SCAMP1: variants seen among roughly 807,000 people sequenced by gnomAD.
The protein encoded by SCAMP1 is secretory carrier membrane protein 1.
In SCAMP1, 15 loss-of-function variants were observed where a neutral mutation model predicts 41.8. That is an observed-to-expected ratio of 0.36 (90% CI 0.24 to 0.55). The LOEUF is 0.55. Among genes scored for constraint, SCAMP1 ranks in the 20% least tolerant of loss-of-function variants. SCAMP1 has a pLI of 0.86. For synonymous variants in SCAMP1, 135 were observed against 136.8 expected, an observed-to-expected ratio of 0.99 and a Z score of 0.09; for missense variants, 341 against 412.6, an observed-to-expected ratio of 0.83 and a Z score of 1.50.
intron 2 of SCAMP1, among the ~76,000 whole-genome samples, chr5:78,409,702 A>G (rs1345053547): frequency 1.3e-5 from 2 of 152,222 alleles, no homozygotes; most frequent in Admixed American, 6.5e-5. Context: ...AACATTTCTC[A>G]TCATTGCTAT....
chr5:78,367,493 C>T (rs1423484520), intron 1 of SCAMP1, among the ~76,000 whole-genome samples: 1 of 152,176 alleles, frequency 6.6e-6, no homozygotes, highest in Non-Finnish European at 1.5e-5. Flanking sequence ...CATGTAGCCT[C>T]TCTACTAGTA....
chr5:78,416,501 C>G (rs768794768), intron 3 of SCAMP1, 40 bp from the exon 4 acceptor site: 1 of 1,433,966 alleles, frequency 7.0e-7, no homozygotes, highest in Non-Finnish European at 9.5e-7. Context: ...GTATTTTATA[C>G]TTCTGACAGT....
At chr5:78,470,393 TATTTC>T (rs1488289868) in intron 8 of SCAMP1, among the ~76,000 whole-genome samples, 2 of 152,218 alleles carry the variant, frequency 1.3e-5, no homozygotes, top group African/African-American at 4.8e-5. Flanking sequence ...CTATTTTAGA[TATTTC>T]ATATAAATGG....
At chr5:78,379,371 C>T (rs1177927031) in intron 1 of SCAMP1, among the ~76,000 whole-genome samples, 1 of 152,210 alleles carries the variant, frequency 6.6e-6, no homozygotes, top group Non-Finnish European at 1.5e-5. Flanking sequence ...ACTATGGCTT[C>T]CTCAACACTA....
intron 6 of SCAMP1, among the ~76,000 whole-genome samples, chr5:78,436,682 C>T (rs904370558): frequency 6.6e-6 from 1 of 152,112 alleles, no homozygotes; most frequent in Non-Finnish European, 1.5e-5. Flanking sequence ...GTTCTTTTTG[C>T]TTAGGATTGT....
chr5:78,424,741 CA>C (rs959974339), intron 6 of SCAMP1, among the ~76,000 whole-genome samples: 2 of 151,950 alleles, frequency 1.3e-5, no homozygotes, highest in Admixed American at 6.6e-5. Context: ...AGAAAAACAA[CA>C]AAAAAACCCC....
chr5:78,459,132 A>T, intron 7 of SCAMP1, 113 bp from the exon 8 acceptor site: 2 of 676,100 alleles, frequency 3.0e-6, no homozygotes, highest in Non-Finnish European at 2.7e-6. Flanking sequence ...TAATACACAT[A>T]AAGAACTTGA....
At chr5:78,416,697 C>T (rs764124757) in intron 4 of SCAMP1, 48 bp downstream of exon 4, 7 of 1,376,236 alleles carry the variant, frequency 5.1e-6, no homozygotes, top group Non-Finnish European at 5.0e-6. Flanking sequence ...AAATACTTTA[C>T]ATTATGTCTA....
intron 6 of SCAMP1, among the ~76,000 whole-genome samples, chr5:78,443,652 G>GTTTTTT (rs1561278893): frequency 3.4e-5 from 2 of 59,050 alleles, no homozygotes; most frequent in Admixed American, 1.5e-4. Flanking sequence ...GAGTGGTTTT[G>GTTTTTT]CTTTTTTTTT....
Position 78,450,039 on chromosome 5 carries a change from G to GTTTT in SCAMP1, c.734+13_734+16dup. ...ATTTCATAACTGGGGCAATTGGTAA[G>GTTTT]TTTTTTTTTTTACTAGTTTTCAGCT... On this transcript the variant is annotated splice_donor_region_variant and intron_variant, in intron 7 of 8. Coordinates refer to ENST00000621999, the MANE Select transcript of SCAMP1 (RefSeq NM_004866.6). 1 of 1,251,540 alleles carries GTTTT rather than the reference G, an allele frequency of 8.0e-7. No homozygotes were observed. The highest frequency in any genetic ancestry group is 1.1e-6 in the Non-Finnish European group (1 of 919,816). 77.5% of individuals were successfully genotyped at this position (1,251,540 alleles called of 1,614,324 possible). A position where few individuals can be genotyped will look rare whatever the true frequency, so the allele number is the denominator to read the frequency against.
At chr5:78,385,880 G>C (rs1390635080) in intron 1 of SCAMP1, among the ~76,000 whole-genome samples, 1 of 152,062 alleles carries the variant, frequency 6.6e-6, no homozygotes, top group Admixed American at 6.5e-5. Flanking sequence ...GTCTATCTTG[G>C]GGAATGTTCC....
chr5:78,452,377 C>A (rs536745757), intron 7 of SCAMP1, among the ~76,000 whole-genome samples: 61 of 135,248 alleles, frequency 4.5e-4, no homozygotes, highest in African/African-American at 1.7e-3. Flanking sequence ...TGTGATATTC[C>A]CCTTCCTGTG....
intron 2 of SCAMP1, among the ~76,000 whole-genome samples, chr5:78,398,786 C>T (rs529651260): frequency 6.6e-5 from 10 of 152,122 alleles, no homozygotes; most frequent in African/African-American, 2.4e-4. Flanking sequence ...TTCAGGTGAT[C>T]CCCCTGCCTC....
intron 2 of SCAMP1, among the ~76,000 whole-genome samples, chr5:78,391,098 C>T (rs1489951924): frequency 1.7e-5 from 2 of 117,248 alleles, no homozygotes; most frequent in African/African-American, 3.1e-5. Context: ...ATCTTTTCCC[C>T]ACCTTTCCCC....
intron 2 of SCAMP1, among the ~76,000 whole-genome samples, chr5:78,391,944 C>G (rs1307123865): frequency 6.6e-6 from 1 of 151,990 alleles, no homozygotes; most frequent in African/African-American, 2.4e-5. Context: ...TGCAGTGAGC[C>G]GAGATGGCAG....
chr5:78,379,834 G>A (rs1047825188), intron 1 of SCAMP1, among the ~76,000 whole-genome samples: 1 of 152,130 alleles, frequency 6.6e-6, no homozygotes, highest in African/African-American at 2.4e-5. Flanking sequence ...TGGCTAAGCA[G>A]GATTCATCTT....
intron 2 of SCAMP1, among the ~76,000 whole-genome samples, chr5:78,413,811 T>C (rs370101820): frequency 1.3e-5 from 2 of 152,194 alleles, no homozygotes; most frequent in African/African-American, 4.8e-5. Context: ...TGCTGTTAGC[T>C]GTGTCAGAGT....
chr5:78,388,498 G>A (rs1051907252), intron 1 of SCAMP1, among the ~76,000 whole-genome samples: 3 of 152,186 alleles, frequency 2.0e-5, no homozygotes, highest in South Asian at 2.1e-4. Flanking sequence ...ACTCTTTGTC[G>A]AGGCCAAAGG....
intron 8 of SCAMP1, among the ~76,000 whole-genome samples, chr5:78,463,801 C>A (rs1753674171): frequency 6.6e-6 from 1 of 151,260 alleles, no homozygotes; most frequent in Non-Finnish European, 1.5e-5. Flanking sequence ...TATGAATATA[C>A]TAAAAATCAT....
Sources: allele counts gnomAD v4.1 joint callset (sites outside exome capture counted in the v4.1 genomes callset), GRCh38; gene constraint gnomAD v4.1.1; transcripts MANE v1.5; gene names NCBI Gene and HGNC (gene_info 2026-07-23, HGNC 2026-07-21).